Variants in NRCAM observed in about 807,000 individuals in gnomAD.
The protein encoded by NRCAM is neuronal cell adhesion molecule.
In NRCAM, 83 loss-of-function variants were observed where a neutral mutation model predicts 156.5. The observed-to-expected ratio is 0.53, with a 90% CI of 0.44 to 0.64. NRCAM has a LOEUF of 0.64. Among genes scored for constraint, NRCAM ranks in the 30% least tolerant of loss-of-function variants. The pLI, the probability that NRCAM is intolerant of heterozygous loss-of-function variation, is 0.00. For synonymous variants in NRCAM, 538 were observed against 563.9 expected, an observed-to-expected ratio of 0.95 and a Z score of 0.65; for missense variants, 1,417 against 1,597.3, an observed-to-expected ratio of 0.89 and a Z score of 1.92.
intron 2 of NRCAM, among the ~76,000 whole-genome samples, chr7:108,391,864 G>C (rs1481558909): frequency 1.3e-5 from 2 of 152,134 alleles, no homozygotes; most frequent in African/African-American, 4.8e-5. Flanking sequence ...GAAATTCCGG[G>C]TTGAAAATTC....
chr7:108,322,623 C>T (rs2099015877), intron 2 of NRCAM, among the ~76,000 whole-genome samples: 1 of 152,100 alleles, frequency 6.6e-6, no homozygotes, highest in South Asian at 2.1e-4. Flanking sequence ...ACACCTAAAC[C>T]TGCATTATAG....
At chr7:108,363,064 T>C (rs1256419141) in intron 2 of NRCAM, among the ~76,000 whole-genome samples, 4 of 152,064 alleles carry the variant, frequency 2.6e-5, no homozygotes, top group Admixed American at 6.5e-5. Flanking sequence ...TGGGAGCCAA[T>C]TGAAAGAGCT....
At chr7:108,350,958 G>A (rs932063956) in intron 2 of NRCAM, among the ~76,000 whole-genome samples, 1 of 152,124 alleles carries the variant, frequency 6.6e-6, no homozygotes, top group Non-Finnish European at 1.5e-5. Context: ...TCTTGGGAAT[G>A]TCCCTCATAT....
At chr7:108,209,892 A>G (rs79647344) in intron 11 of NRCAM, among the ~76,000 whole-genome samples, 1 of 152,216 alleles carries the variant, frequency 6.6e-6, no homozygotes, top group Non-Finnish European at 1.5e-5. Flanking sequence ...ATTTTTTTCA[A>G]CGTTGTGACT....
In NRCAM at chr7:108,176,467, A is replaced by G. The variant is rs1384158998; in HGVS notation, c.3114T>C (p.Ser1038=). 1.5e-5 allele frequency: 25 copies of G among 1,613,444 alleles called. No individual in the cohort carries two copies. Among genetic ancestry groups the G allele is most frequent in the Non-Finnish European group, 1.9e-5 (23 of 1,179,832 alleles). ...FYAQTSAGSG[S]QITEEAVTTV... is the part of the protein sequence containing the mutation. ...TTGTTACTGCTTCCTCTGTAATTTG[A>G]CTTCCTGATCCTGCTGATGTTTGTG... The change falls in exon 27 of 33, where the codon AGT becomes AGC. Residue 1038 remains serine, a synonymous_variant. Coordinates refer to ENST00000379028, the MANE Select transcript of NRCAM (RefSeq NM_001037132.4).
chr7:108,375,921 C>T (rs1363122845), intron 2 of NRCAM, among the ~76,000 whole-genome samples: 1 of 152,056 alleles, frequency 6.6e-6, no homozygotes, highest in Non-Finnish European at 1.5e-5. Flanking sequence ...ACTGACAAAC[C>T]CCCAGGAACA....
intron 11 of NRCAM, among the ~76,000 whole-genome samples, chr7:108,213,399 T>C (rs1457142826): frequency 1.3e-5 from 2 of 152,158 alleles, no homozygotes; most frequent in Non-Finnish European, 2.9e-5. Flanking sequence ...GCACAATGAA[T>C]GCAAGGGTAT....
intron 2 of NRCAM, among the ~76,000 whole-genome samples, chr7:108,344,484 G>C (rs1425691497): frequency 2.9e-5 from 4 of 139,752 alleles, no homozygotes; most frequent in African/African-American, 1.0e-4. Flanking sequence ...ATTAAATCTT[G>C]CAACTGAAAA....
intron 1 of NRCAM, among the ~76,000 whole-genome samples, chr7:108,430,411 A>C (rs1823506863): frequency 6.6e-6 from 1 of 152,164 alleles, no homozygotes; most frequent in African/African-American, 2.4e-5. Flanking sequence ...AGATATATTC[A>C]GAAGGTAGAA....
intron 32 of NRCAM, among the ~76,000 whole-genome samples, chr7:108,152,822 A>G (rs1156240357): frequency 6.6e-6 from 1 of 152,154 alleles, no homozygotes; most frequent in East Asian, 1.9e-4. Flanking sequence ...CAGGAGTGAG[A>G]TGACTGTGAC....
intron 2 of NRCAM, among the ~76,000 whole-genome samples, chr7:108,394,450 C>T (rs2099771244): frequency 6.6e-6 from 1 of 152,146 alleles, no homozygotes; most frequent in African/African-American, 2.4e-5. Context: ...TCAAATACTG[C>T]TTTGGTTTAT....
At chr7:108,299,129 A>AGAAG in intron 3 of NRCAM, among the ~76,000 whole-genome samples, 1 of 109,948 alleles carries the variant, frequency 9.1e-6, no homozygotes, top group East Asian at 2.4e-4. Context: ...AAAGAAAGAA[A>AGAAG]GAAAGAAAGA....
chr7:108,369,503 G>A (rs975620085), intron 2 of NRCAM, among the ~76,000 whole-genome samples: 2 of 152,098 alleles, frequency 1.3e-5, no homozygotes, highest in African/African-American at 4.8e-5. Flanking sequence ...ACCAGCAGAT[G>A]TTATTAGCTC....
intron 1 of NRCAM, among the ~76,000 whole-genome samples, chr7:108,444,090 C>A (rs988829387): frequency 6.6e-6 from 1 of 151,950 alleles, no homozygotes; most frequent in Non-Finnish European, 1.5e-5. Context: ...ATAAATAAAA[C>A]AATGCAACAA....
intron 1 of NRCAM, among the ~76,000 whole-genome samples, chr7:108,400,931 G>A (rs2099790772): frequency 1.3e-5 from 2 of 152,048 alleles, no homozygotes; most frequent in South Asian, 4.2e-4. Flanking sequence ...GTGGCTCTCT[G>A]GGCAGGGATG....
chr7:108,361,451 A>C (rs928884256), intron 2 of NRCAM, among the ~76,000 whole-genome samples: 6 of 152,230 alleles, frequency 3.9e-5, no homozygotes, highest in African/African-American at 1.4e-4. Context: ...AGGCTTCATC[A>C]ATCAACTGAA....
intron 2 of NRCAM, among the ~76,000 whole-genome samples, chr7:108,347,876 T>C (rs1377631036): frequency 6.6e-6 from 1 of 152,106 alleles, no homozygotes; most frequent in African/African-American, 2.4e-5. Flanking sequence ...ACTGAACCCC[T>C]CCACCTTAGC....
intron 30 of NRCAM, among the ~76,000 whole-genome samples, chr7:108,163,337 G>A (rs944846026): frequency 6.6e-6 from 1 of 152,138 alleles, no homozygotes; most frequent in Non-Finnish European, 1.5e-5. Context: ...ATGGATATCT[G>A]TGCTCTGTGG....
At chr7:108,319,003 G>GT (rs2098967436) in intron 2 of NRCAM, among the ~76,000 whole-genome samples, 1 of 152,170 alleles carries the variant, frequency 6.6e-6, no homozygotes, top group Non-Finnish European at 1.5e-5. Context: ...AAGAGTCATT[G>GT]TTTAATGGGT....
Sources: allele counts gnomAD v4.1 joint callset (sites outside exome capture counted in the v4.1 genomes callset), GRCh38; gene constraint gnomAD v4.1.1; transcripts MANE v1.5; gene names NCBI Gene and HGNC (gene_info 2026-07-23, HGNC 2026-07-21).